Variants in PCBP3 observed in about 807,000 individuals in gnomAD.
PCBP3 encodes the protein poly(rC) binding protein 3.
PCBP3 carries 25 observed loss-of-function variants against 52.7 expected under a neutral mutation model. That is an observed-to-expected ratio of 0.47 (90% CI 0.35 to 0.66). The LOEUF (loss-of-function observed/expected upper bound fraction) is 0.66. Among genes scored for constraint, PCBP3 ranks in the 30% least tolerant of loss-of-function variants. The pLI, the probability that PCBP3 is intolerant of heterozygous loss-of-function variation, is 0.01. For missense variants in PCBP3, 391 were observed against 490.3 expected (o/e 0.80, Z 1.91); for synonymous variants, 162 against 183.0 (o/e 0.89, Z 0.93).
At chr21:45,803,590 G>C (rs1288199427) in intron 4 of PCBP3, among the ~76,000 whole-genome samples, 1 of 152,200 alleles carries the variant, frequency 6.6e-6, no homozygotes, top group Non-Finnish European at 1.5e-5. Flanking sequence ...TTCCCATGAA[G>C]TTTAAATGCA....
intron 10 of PCBP3, among the ~76,000 whole-genome samples, chr21:45,909,941 C>CCCCCCACACA (rs2096319984): frequency 3.2e-5 from 2 of 62,772 alleles, no homozygotes; most frequent in African/African-American, 5.4e-5. Flanking sequence ...CCCCCCCAAC[C>CCCCCCACACA]CACTTCCCAG....
chr21:45,839,885 C>G (rs1404328922), intron 4 of PCBP3, among the ~76,000 whole-genome samples: 1 of 152,020 alleles, frequency 6.6e-6, no homozygotes, highest in Non-Finnish European at 1.5e-5. Context: ...CGGGGTTTCA[C>G]CATGTTGGTC....
chr21:45,718,726 C>G (rs2084399760), intron 2 of PCBP3, among the ~76,000 whole-genome samples: 1 of 152,084 alleles, frequency 6.6e-6, no homozygotes, highest in South Asian at 2.1e-4. Flanking sequence ...GACAATTTTG[C>G]CAGGGTTCTC....
At chr21:45,877,122 G>T (rs1049619363) in intron 5 of PCBP3, among the ~76,000 whole-genome samples, 1 of 152,244 alleles carries the variant, frequency 6.6e-6, no homozygotes, top group African/African-American at 2.4e-5. Context: ...TTTCAAACGT[G>T]GGTCTCTTCC....
At chr21:45,690,672 C>T (rs549225132) in intron 2 of PCBP3, among the ~76,000 whole-genome samples, 2 of 152,130 alleles carry the variant, frequency 1.3e-5, no homozygotes, top group African/African-American at 4.8e-5. Flanking sequence ...ACAGATACAT[C>T]ACAGAAGACA....
At position 45,788,823 on chromosome 21, in the gene PCBP3, C is replaced by A. The variant is rs937069057; in HGVS notation, c.-126+33371C>A. 2 of 152,208 alleles carry A rather than the reference C, an allele frequency of 1.3e-5. No individual in the cohort carries two copies. The highest frequency in any genetic ancestry group is 4.8e-5 in the African/African-American group (2 of 41,454). The allele number at this position is 152,208 out of a possible 1,614,324, so 9.4% of individuals were successfully genotyped here. The stretch of plus-strand genomic sequence containing the variant: ...TATGTGGTGACTGTCAACTTTTCAT[C>A]TATGCAGAATGTTAATGACTCACCA... On this transcript the variant is annotated intron_variant, in intron 4 of 17. Transcript: ENST00000681687. The surrounding 1 kb of genome is among the most constrained non-coding windows in gnomAD (Gnocchi z 4.3).
At chr21:45,707,943 G>T (rs897379350) in intron 2 of PCBP3, among the ~76,000 whole-genome samples, 2 of 152,198 alleles carry the variant, frequency 1.3e-5, no homozygotes, top group Non-Finnish European at 2.9e-5. Flanking sequence ...GTCTTCCCAG[G>T]TGAGGAGGAT....
At chr21:45,926,839 T>C (rs985029437) in intron 13 of PCBP3, among the ~76,000 whole-genome samples, 1 of 152,226 alleles carries the variant, frequency 6.6e-6, no homozygotes, top group Non-Finnish European at 1.5e-5. Flanking sequence ...AAGCACAGAC[T>C]GTAAAGGAAA....
chr21:45,793,679 GGAGACGGGA>G (rs1052799635), intron 4 of PCBP3, among the ~76,000 whole-genome samples: 1 of 152,204 alleles, frequency 6.6e-6, no homozygotes, highest in African/African-American at 2.4e-5. Context: ...CTCTGCAGGA[GGAGACGGGA>G]GGCGATAGCC....
intron 4 of PCBP3, among the ~76,000 whole-genome samples, chr21:45,797,754 G>A (rs1569235920): frequency 2.7e-3 from 3 of 1,120 alleles, no homozygotes; most frequent in East Asian, 0.028. Flanking sequence ...CATAGAGAGA[G>A]TGAATGGATG....
At chr21:45,660,267 T>C (rs947715715) in intron 1 of PCBP3, among the ~76,000 whole-genome samples, 2 of 152,154 alleles carry the variant, frequency 1.3e-5, no homozygotes, top group African/African-American at 2.4e-5. Flanking sequence ...ACCGTTTTTT[T>C]CTGATGTTAA....
intron 4 of PCBP3, among the ~76,000 whole-genome samples, chr21:45,769,146 C>G (rs998101831): frequency 6.6e-6 from 1 of 152,224 alleles, no homozygotes; most frequent in African/African-American, 2.4e-5. Flanking sequence ...TCCTTGTCTT[C>G]TTGCATTCAC....
chr21:45,690,030 G>A (rs2147763974), intron 2 of PCBP3, among the ~76,000 whole-genome samples: 1 of 152,204 alleles, frequency 6.6e-6, no homozygotes, highest in East Asian at 1.9e-4. Context: ...GTTTTTAAAT[G>A]CAAAAGACCT....
chr21:45,788,094 G>T lies in PCBP3; in HGVS notation c.-126+32642G>T, dbSNP rs1263829206. ...CAGGAACAGCTGGTGTCTCCTTACT[G>T]GGACATGCTGTGACCTGTAGAATCG... On this transcript the variant is annotated intron_variant, in intron 4 of 17. Coordinates refer to ENST00000681687, the MANE Select transcript of PCBP3 (RefSeq NM_001384156.1). This position sits in a 1 kb window ranked among gnomAD's most constrained non-coding sequence, Gnocchi z 4.3. Among the ~76,000 whole-genome samples the T allele has an allele frequency of 1.3e-5, 2 of 152,170 alleles. No homozygotes were observed. The highest frequency in any genetic ancestry group is 2.9e-5 in the Non-Finnish European group (2 of 68,026).
chr21:45,777,315 AC>A (rs56040844), intron 4 of PCBP3, among the ~76,000 whole-genome samples: 46,289 of 151,924 alleles, frequency 0.3, 8,369 homozygotes, highest in East Asian at 0.66. Flanking sequence ...TTTATAGATG[AC>A]TAGATGCTTT....
At chr21:45,899,083 G>A (rs2095947998) in intron 6 of PCBP3, among the ~76,000 whole-genome samples, 1 of 152,260 alleles carries the variant, frequency 6.6e-6, no homozygotes, top group Admixed American at 6.5e-5. Flanking sequence ...ACTCAGCCCA[G>A]CGGGGAACGT....
In PCBP3 at chr21:45,735,586, C is replaced by G. The variant is rs1304282529; in HGVS notation, c.-162+157C>G. On this transcript the variant is annotated intron_variant, in intron 3 of 17. Coordinates refer to ENST00000681687, the MANE Select transcript of PCBP3 (RefSeq NM_001384156.1). The surrounding 1 kb of genome is among the most constrained non-coding windows in gnomAD (Gnocchi z 4.0). ...TTTATGTCTCATGGGGAACCTGCCTCAGGTCACACTACTGCCAAGAGCATG... is the reference window on the plus strand; with the variant it reads ...TTTATGTCTCATGGGGAACCTGCCTGAGGTCACACTACTGCCAAGAGCATG... Among the ~76,000 whole-genome samples the G allele has an allele frequency of 6.6e-6, 1 of 152,192 alleles. No individual in the cohort carries two copies. The highest frequency in any genetic ancestry group is 1.5e-5 in the Non-Finnish European group (1 of 68,042).
chr21:45,923,178 C>A (rs2074703769), intron 13 of PCBP3, among the ~76,000 whole-genome samples: 1 of 152,198 alleles, frequency 6.6e-6, no homozygotes, highest in African/African-American at 2.4e-5. Context: ...CTTTCTCCTC[C>A]CACTTGTTCT....
intron 4 of PCBP3, among the ~76,000 whole-genome samples, chr21:45,785,923 G>A (rs1406141901): frequency 6.7e-6 from 1 of 149,918 alleles, no homozygotes; most frequent in Non-Finnish European, 1.5e-5. Flanking sequence ...TTAAACAGAC[G>A]CTTGAAGGCA....
Sources: gnomAD v4.1 joint callset for allele counts (sites outside exome capture counted in the v4.1 genomes callset) on GRCh38, gnomAD v4.1.1 for gene constraint, Gnocchi (gnomAD v3.1) non-coding constraint, MANE v1.5 for transcripts, NCBI Gene and HGNC (gene_info 2026-07-23, HGNC 2026-07-21) for gene names.